The following DMRTA2 variants were observed in gnomAD, a reference collection of about 807,000 sequenced individuals.
The protein encoded by DMRTA2 is doublesex- and mab-3-related transcription factor A2.
Under a neutral mutation model 29.7 loss-of-function variants are expected in DMRTA2, and 10 were observed. The ratio of observed to expected loss-of-function variants is 0.34; its 90% CI spans 0.21 to 0.57. The LOEUF (loss-of-function observed/expected upper bound fraction) is 0.57. Ranked by LOEUF, DMRTA2 falls within the 20% of genes least tolerant of loss-of-function variation. The pLI, the probability that DMRTA2 is intolerant of heterozygous loss-of-function variation, is 0.87. For synonymous variants in DMRTA2, 469 were observed against 402.6 expected (o/e 1.16, Z -1.97); for missense variants, 783 against 812.1 (o/e 0.96, Z 0.44).
chr1:50,419,431 G>C lies in DMRTA2; in HGVS notation c.863C>G (p.Ser288Cys). 4 of 1,598,660 alleles carry C rather than the reference G, an allele frequency of 2.5e-6. No homozygotes were observed. The highest frequency in any genetic ancestry group is 3.4e-6 in the Non-Finnish European group (4 of 1,178,986). Residue 288 changes from serine (S) to cysteine (C), a missense_variant, in exon 3 of 3, where the codon TCC becomes TGC. Ser to Cys is a moderately radical substitution (Grantham distance 112, BLOSUM62 -1). Around this residue, in one of 3 missense-constraint regions of DMRTA2, gnomAD observed 667 missense variants for 624.8 expected, o/e 1.07. Transcript: ENST00000404795. This position sits in a 1 kb window ranked among gnomAD's most constrained non-coding sequence, Gnocchi z 6.1. ...CTCTTCTTTGTCAGCCTCTGAACCG[G>C]ATTCAGAGCCCAGAGGGCTAGCGGA... is the stretch of plus-strand genomic sequence containing the variant. ...PGSASPLGSE[S>C]GSEADKEEGE...
rs1177997789 is a variant in DMRTA2 at position 50,418,695 on chromosome 1, A to T, written c.1599T>A (p.Pro533=). The change falls in exon 3 of 3, where the codon CCT becomes CCA. Residue 533 remains proline (P), a synonymous_variant. Coordinates refer to ENST00000404795, the MANE Select transcript of DMRTA2 (RefSeq NM_032110.3). ...GCTTCTCCGGAGCGCCGTTGACCAT[A>T]GGCCCGTACAGGCCGCCGCCGTAGG... ...EPTYGGGLYG[P]MVNGAPEKQ 7.5e-6 allele frequency: 11 copies of T among 1,466,858 alleles called. No individual in the cohort carries two copies. Among genetic ancestry groups the T allele is most frequent in the Non-Finnish European group, 9.0e-6 (10 of 1,114,334 alleles). The allele number at this position is 1,466,858 out of a possible 1,614,324, so 90.9% of individuals were successfully genotyped here.
chr1:50,418,594 G>A lies in DMRTA2; in HGVS notation c.*71C>T. On this transcript the variant is annotated 3_prime_UTR_variant, in exon 3 of 3. Transcript: ENST00000404795. ...GCGCAGAGAGAGCGCTGGGCGAAGA[G>A]GGGTCGATGGCCCGCGGGAACAGGG... 2 of 1,251,856 alleles carry A rather than the reference G, an allele frequency of 1.6e-6. No homozygotes were observed. The highest frequency in any genetic ancestry group is 2.1e-6 in the Non-Finnish European group (2 of 968,446). 77.5% of individuals were successfully genotyped at this position (1,251,856 alleles called of 1,614,324 possible).
Position 50,419,749 on chromosome 1 carries a change from A to C in DMRTA2, c.560-15T>G. 6.9e-7 allele frequency: 1 copy of C among 1,456,276 alleles called. No homozygotes were observed. Among genetic ancestry groups the C allele is most frequent in the Non-Finnish European group, 9.0e-7 (1 of 1,106,106 alleles). 90.2% of individuals were successfully genotyped at this position (1,456,276 alleles called of 1,614,324 possible). On this transcript the variant is annotated splice_polypyrimidine_tract_variant and intron_variant, in intron 2 of 2. Coordinates refer to ENST00000404795, the MANE Select transcript of DMRTA2 (RefSeq NM_032110.3). This position sits in a 1 kb window ranked among gnomAD's most constrained non-coding sequence, Gnocchi z 6.1. ...CAACTTGGCCTCTGGGAGGGGAGAAAACGTGTCGTGAGGAGCGGTTAGCTA... is the reference window on the plus strand; with the variant it reads ...CAACTTGGCCTCTGGGAGGGGAGAACACGTGTCGTGAGGAGCGGTTAGCTA...
At position 50,421,231 on chromosome 1, in the gene DMRTA2, G is replaced by A. The variant is rs1362163258; in HGVS notation, c.306C>T (p.Ile102=). The A allele has an allele frequency of 2.0e-6, 3 of 1,537,384 alleles. No individual in the cohort carries two copies. The highest frequency in any genetic ancestry group is 1.8e-6 in the Non-Finnish European group (2 of 1,141,502). ...KDCLCAKCTL[I]AERQRVMAAQ... is the part of the protein sequence containing the mutation. ...CCGCCATGACACGCTGGCGCTCCGC[G>A]ATGAGCGTGCACTTGGCGCACAGGC... The change falls in exon 2 of 3, where the codon ATC becomes ATT. Residue 102 remains isoleucine, a synonymous_variant. Transcript: ENST00000404795. The surrounding 1 kb of genome is among the most constrained non-coding windows in gnomAD (Gnocchi z 8.7).
chr1:50,418,588 C>G lies in DMRTA2; in HGVS notation c.*77G>C. 8.2e-7 allele frequency: 1 copy of G among 1,225,474 alleles called. No individual in the cohort carries two copies. The allele number at this position is 1,225,474 out of a possible 1,614,324, so 75.9% of individuals were successfully genotyped here. On this transcript the variant is annotated 3_prime_UTR_variant, in exon 3 of 3. Coordinates refer to ENST00000404795, the MANE Select transcript of DMRTA2 (RefSeq NM_032110.3). ...GCCAGGGCGCAGAGAGAGCGCTGGG[C>G]GAAGAGGGGTCGATGGCCCGCGGGA...
Position 50,422,617 on chromosome 1 carries a change from G to T in DMRTA2, c.-9+499C>A, listed in dbSNP as rs993770497. Among the ~76,000 whole-genome samples the T allele has an allele frequency of 3.9e-5, 6 of 152,166 alleles. No individual in the cohort carries two copies. Among genetic ancestry groups the T allele is most frequent in the African/African-American group, 1.4e-4 (6 of 41,448 alleles). ...GAAAAGTTAGGCATTTCGGGAGGGG[G>T]ATCTTTCTCGAAGACCACCTCACAC... On this transcript the variant is annotated intron_variant, in intron 1 of 2. Transcript: ENST00000404795. The surrounding 1 kb of genome is among the most constrained non-coding windows in gnomAD (Gnocchi z 5.7).
Position 50,418,943 on chromosome 1 carries a change from C to T in DMRTA2, c.1351G>A (p.Asp451Asn), listed in dbSNP as rs1646011929. 6 of 1,443,276 alleles carry T rather than the reference C, an allele frequency of 4.2e-6. No homozygotes were observed. The highest frequency in any genetic ancestry group is 1.4e-5 in the South Asian group (1 of 70,286). 89.4% of individuals were successfully genotyped at this position (1,443,276 alleles called of 1,614,324 possible). A position where few individuals can be genotyped will look rare whatever the true frequency, so the allele number is the denominator to read the frequency against. ...GCGCCCAGCGGGTAGGCGCCCGCGT[C>T]GGCACCGAAGTGACTGGCGTTGGGC... ...LQPNASHFGA[D>N]AGAYPLGAPL... The change falls in exon 3 of 3, where the codon GAC (aspartate) becomes AAC (asparagine). Residue 451 changes from aspartate (D) to asparagine (N), a missense_variant. Physicochemically the swap from Asp to Asn is conservative, Grantham distance 23. Transcript: ENST00000404795.
Position 50,419,383 on chromosome 1 carries a change from C to T in DMRTA2, c.911G>A (p.Gly304Glu), listed in dbSNP as rs1430180305. The T allele has an allele frequency of 1.9e-6, 3 of 1,596,806 alleles. No individual in the cohort carries two copies. The highest frequency in any genetic ancestry group is 2.5e-6 in the Non-Finnish European group (3 of 1,179,046). Residue 304 changes from glycine to glutamate, a missense_variant, in exon 3 of 3, where the codon GGG (glycine) becomes GAG (glutamate). By Grantham distance (98) the Gly-to-Glu change is moderately conservative. This residue lies in a region of DMRTA2 where 667 missense variants were observed against 624.8 expected (regional missense o/e 1.07). Coordinates refer to ENST00000404795, the MANE Select transcript of DMRTA2 (RefSeq NM_032110.3). The surrounding 1 kb of genome is among the most constrained non-coding windows in gnomAD (Gnocchi z 6.1). ...KEEGEAAPAP[G>E]LGGGSGPRQR... The stretch of plus-strand genomic sequence containing the variant: ...CCGTGGACCCGAGCCTCCGCCCAGC[C>T]CTGGCGCCGGCGCGGCCTCACCCTC...
chr1:50,421,372 T>A lies in DMRTA2; in HGVS notation c.165A>T (p.Pro55=). Residue 55 remains proline (P), a synonymous_variant, in exon 2 of 3, where the codon CCA becomes CCT. Transcript: ENST00000404795. The surrounding 1 kb of genome is among the most constrained non-coding windows in gnomAD (Gnocchi z 8.7). Reference sequence around the variant, plus strand: ...ACTTCTCGGCTGCCCGCAGCAACAGTGGCGGCCCCCGCAGCAAGCCGCCTG... The same window carrying A: ...ACTTCTCGGCTGCCCGCAGCAACAGAGGCGGCCCCCGCAGCAAGCCGCCTG... The part of the protein sequence containing the change: ...SVAGGLLRGP[P]LLLRAAEKYP... The A allele has an allele frequency of 1.3e-6, 2 of 1,501,720 alleles. No individual in the cohort carries two copies. Among genetic ancestry groups the A allele is most frequent in the East Asian group, 5.8e-5 (2 of 34,480 alleles). The allele number at this position is 1,501,720 out of a possible 1,614,324, so 93.0% of individuals were successfully genotyped here. A position where few individuals can be genotyped will look rare whatever the true frequency, so the allele number is the denominator to read the frequency against.
Position 50,418,978 on chromosome 1 carries a change from G to C in DMRTA2, c.1316C>G (p.Ser439Trp). The change falls in exon 3 of 3, where the codon TCG (serine) becomes TGG (tryptophan). Residue 439 changes from serine (S) to tryptophan (W), a missense_variant. By Grantham distance (177) the Ser-to-Trp change is radical. Around this residue, in one of 3 missense-constraint regions of DMRTA2, gnomAD observed 667 missense variants for 624.8 expected, o/e 1.07. Transcript: ENST00000404795. ...GTGACTGGCGTTGGGCTGCAGCGGC[G>C]AGAAGGCCGAGCGGCTGCTCAGCGA... ...LGSLSSRSAF[S>W]PLQPNASHFG... 1 of 1,436,056 alleles carries C rather than the reference G, an allele frequency of 7.0e-7. No individual in the cohort carries two copies. The highest frequency in any genetic ancestry group is 9.1e-7 in the Non-Finnish European group (1 of 1,100,532). The allele number at this position is 1,436,056 out of a possible 1,614,324, so 89.0% of individuals were successfully genotyped here.
rs755329488 is a variant in DMRTA2 at position 50,418,661 on chromosome 1, C to T, written c.*4G>A. The T allele has an allele frequency of 7.2e-7, 1 of 1,386,480 alleles. No homozygotes were observed. Among genetic ancestry groups the T allele is most frequent in the South Asian group, 1.7e-5 (1 of 59,814 alleles). The allele number at this position is 1,386,480 out of a possible 1,614,324, so 85.9% of individuals were successfully genotyped here. On this transcript the variant is annotated 3_prime_UTR_variant, in exon 3 of 3. Coordinates refer to ENST00000404795, the MANE Select transcript of DMRTA2 (RefSeq NM_032110.3). Reference sequence around the variant, plus strand: ...GGGACCGGCCGGCTGCCAGGCCCCTCGCCCTACTGCTTCTCCGGAGCGCCG... The same window carrying T: ...GGGACCGGCCGGCTGCCAGGCCCCTTGCCCTACTGCTTCTCCGGAGCGCCG...
rs1646031769 is a variant in DMRTA2 at position 50,420,848 on chromosome 1, G to A, written c.559+130C>T. 2 of 1,318,930 alleles carry A rather than the reference G, an allele frequency of 1.5e-6. No individual in the cohort carries two copies. The highest frequency in any genetic ancestry group is 2.0e-6 in the Non-Finnish European group (2 of 1,024,394). The allele number at this position is 1,318,930 out of a possible 1,614,324, so 81.7% of individuals were successfully genotyped here. A position where few individuals can be genotyped will look rare whatever the true frequency, so the allele number is the denominator to read the frequency against. The stretch of plus-strand genomic sequence containing the variant: ...GCTCCATACCCGAGGCTGGGCGAGC[G>A]GTGAACCCTAGCAGTCGCGGCGACT... On this transcript the variant is annotated intron_variant, in intron 2 of 2. Coordinates refer to ENST00000404795, the MANE Select transcript of DMRTA2 (RefSeq NM_032110.3). The surrounding 1 kb of genome is among the most constrained non-coding windows in gnomAD (Gnocchi z 4.1).
Position 50,419,556 on chromosome 1 carries a change from G to C in DMRTA2, c.738C>G (p.Ser246=). The change falls in exon 3 of 3, where the codon TCC becomes TCG. Residue 246 remains serine (S), a synonymous_variant. Transcript: ENST00000404795. This position sits in a 1 kb window ranked among gnomAD's most constrained non-coding sequence, Gnocchi z 6.1. ...GSGSENGDGE[S]FSGSPLARAS... is the part of the protein sequence containing the mutation. ...CCCGAGCTAGGGGCGAACCAGAAAA[G>C]GACTCGCCATCGCCGTTCTCCGAGC... 1.9e-6 allele frequency: 3 copies of C among 1,565,996 alleles called. No individual in the cohort carries two copies. The highest frequency in any genetic ancestry group is 2.6e-6 in the Non-Finnish European group (3 of 1,158,678).
At position 50,421,217 on chromosome 1, in the gene DMRTA2, C is replaced by T. The variant is rs1382457168; in HGVS notation, c.320G>A (p.Arg107His). The change falls in exon 2 of 3, where the codon CGT (arginine) becomes CAT (histidine). Residue 107 changes from arginine (R) to histidine (H), a missense_variant. Transcript: ENST00000404795. The surrounding 1 kb of genome is among the most constrained non-coding windows in gnomAD (Gnocchi z 8.7). ...AKCTLIAERQ[R>H]VMAAQVALRR... is the part of the protein sequence containing the mutation. Reference sequence around the variant, plus strand: ...CAGCGCCACCTGCGCCGCCATGACACGCTGGCGCTCCGCGATGAGCGTGCA... The same window carrying T: ...CAGCGCCACCTGCGCCGCCATGACATGCTGGCGCTCCGCGATGAGCGTGCA... 1 of 1,536,894 alleles carries T rather than the reference C, an allele frequency of 6.5e-7. No individual in the cohort carries two copies. The highest frequency in any genetic ancestry group is 2.0e-5 in the Admixed American group (1 of 50,340).
chr1:50,418,730 TG>T lies in DMRTA2; in HGVS notation c.1563del (p.His521GlnfsTer71). The T allele has an allele frequency of 6.5e-7, 1 of 1,545,816 alleles. No homozygotes were observed. The highest frequency in any genetic ancestry group is 8.7e-7 in the Non-Finnish European group (1 of 1,150,538). Reference sequence around the variant, plus strand: ...AGGCCGCCGCCGTAGGTCGGCTCCTTGTGCACCGCCGCAGCAGCGGCGGCCG... The same window carrying T: ...AGGCCGCCGCCGTAGGTCGGCTCCTTTGCACCGCCGCAGCAGCGGCGGCCG... ...DRSAAAAAAVHKEPTYGGGLY... is the reference protein window; with the variant it reads ...DRSAAAAAAVXKEPTYGGGLY... On this transcript the variant is annotated frameshift_variant, in exon 3 of 3. Coordinates refer to ENST00000404795, the MANE Select transcript of DMRTA2 (RefSeq NM_032110.3). LOFTEE classifies it high-confidence loss of function.
chr1:50,419,863 C>T lies in DMRTA2; in HGVS notation c.560-129G>A. ...CCCTTATTCACTAGGCTCCAGTGCC[C>T]CTCTTTCTTTTTGCTCTAGCATTCC... On this transcript the variant is annotated intron_variant, in intron 2 of 2. Coordinates refer to ENST00000404795, the MANE Select transcript of DMRTA2 (RefSeq NM_032110.3). This position sits in a 1 kb window ranked among gnomAD's most constrained non-coding sequence, Gnocchi z 6.1. 2.6e-6 allele frequency: 2 copies of T among 771,458 alleles called. 1 individual carries two copies. Among genetic ancestry groups the T allele is most frequent in the South Asian group, 5.3e-5 (2 of 37,992 alleles). The allele number at this position is 771,458 out of a possible 1,614,324, so 47.8% of individuals were successfully genotyped here. A position where few individuals can be genotyped will look rare whatever the true frequency, so the allele number is the denominator to read the frequency against.
Position 50,418,523 on chromosome 1 carries a change from A to C in DMRTA2, c.*142T>G. ...TCAGCCTTCCCCACCCACCCTCCTA[A>C]ACAAAACCCAAAAACCACCTTAGAG... is the stretch of plus-strand genomic sequence containing the variant. On this transcript the variant is annotated 3_prime_UTR_variant, in exon 3 of 3. Coordinates refer to ENST00000404795, the MANE Select transcript of DMRTA2 (RefSeq NM_032110.3). The C allele has an allele frequency of 1.5e-6, 1 of 671,046 alleles. No individual in the cohort carries two copies. Among genetic ancestry groups the C allele is most frequent in the Non-Finnish European group, 2.1e-6 (1 of 469,668 alleles). 41.6% of individuals were successfully genotyped at this position (671,046 alleles called of 1,614,324 possible).
chr1:50,419,374 C>A lies in DMRTA2; in HGVS notation c.920G>T (p.Gly307Val). The A allele has an allele frequency of 6.3e-7, 1 of 1,596,880 alleles. No individual in the cohort carries two copies. The highest frequency in any genetic ancestry group is 8.5e-7 in the Non-Finnish European group (1 of 1,179,014). The change falls in exon 3 of 3, where the codon GGA becomes GTA. Residue 307 changes from glycine to valine, a missense_variant. This residue lies in a region of DMRTA2 where 667 missense variants were observed against 624.8 expected (regional missense o/e 1.07). Coordinates refer to ENST00000404795, the MANE Select transcript of DMRTA2 (RefSeq NM_032110.3). This position sits in a 1 kb window ranked among gnomAD's most constrained non-coding sequence, Gnocchi z 6.1. ...GEAAPAPGLGGGSGPRQRTPL... is the reference protein window; with the variant it reads ...GEAAPAPGLGVGSGPRQRTPL... Reference sequence around the variant, plus strand: ...CGTCCGCTGCCGTGGACCCGAGCCTCCGCCCAGCCCTGGCGCCGGCGCGGC... The same window carrying A: ...CGTCCGCTGCCGTGGACCCGAGCCTACGCCCAGCCCTGGCGCCGGCGCGGC...
Position 50,421,082 on chromosome 1 carries a change from G to A in DMRTA2, c.455C>T (p.Pro152Leu). 1 of 1,522,418 alleles carries A rather than the reference G, an allele frequency of 6.6e-7. No individual in the cohort carries two copies. Among genetic ancestry groups the A allele is most frequent in the Non-Finnish European group, 8.8e-7 (1 of 1,140,350 alleles). 94.3% of individuals were successfully genotyped at this position (1,522,418 alleles called of 1,614,324 possible). Residue 152 changes from proline (P) to leucine (L), a missense_variant, in exon 2 of 3, where the codon CCC becomes CTC. Coordinates refer to ENST00000404795, the MANE Select transcript of DMRTA2 (RefSeq NM_032110.3). The surrounding 1 kb of genome is among the most constrained non-coding windows in gnomAD (Gnocchi z 8.7). ...AAANGIIPPR[P>L]AYEVFGSVCA... The stretch of plus-strand genomic sequence containing the variant: ...CACTGAACCGAAGACCTCGTAGGCG[G>A]GCCTCGGGGGGATGATGCCGTTGGC...
Sources: gnomAD v4.1 joint callset for allele counts (sites outside exome capture counted in the v4.1 genomes callset) on GRCh38, gnomAD v4.1.1 for gene constraint, gnomAD v4.1.1 regional missense constraint, Gnocchi (gnomAD v3.1) non-coding constraint, MANE v1.5 for transcripts, NCBI Gene and HGNC (gene_info 2026-07-23, HGNC 2026-07-21) for gene names.